Variants in MECOM observed in about 807,000 individuals in gnomAD.
The protein encoded by MECOM is histone-lysine N-methyltransferase MECOM.
MECOM carries 13 observed loss-of-function variants against 116.3 expected under a neutral mutation model. The observed-to-expected ratio is 0.11, with a 90% CI of 0.07 to 0.18. The LOEUF is 0.18. Ranked by LOEUF, MECOM falls within the 10% of genes least tolerant of loss-of-function variation. The pLI is 1.00. For synonymous variants in MECOM, 528 were observed against 535.2 expected, an observed-to-expected ratio of 0.99 and a Z score of 0.19; for missense variants, 1,299 against 1,509.0, an observed-to-expected ratio of 0.86 and a Z score of 2.31.
At chr3:169,325,338 C>G (rs1721660991) in intron 2 of MECOM, among the ~76,000 whole-genome samples, 1 of 152,160 alleles carries the variant, frequency 6.6e-6, no homozygotes, top group Non-Finnish European at 1.5e-5. Flanking sequence ...GTGTTTCTAT[C>G]TGTAAGAGGA....
At chr3:169,273,690 C>T (rs1759232020) in intron 2 of MECOM, among the ~76,000 whole-genome samples, 1 of 152,082 alleles carries the variant, frequency 6.6e-6, no homozygotes, top group African/African-American at 2.4e-5. Context: ...TTTACTGCGT[C>T]AACATTCTAC....
chr3:169,298,361 A>T (rs1046647280), intron 2 of MECOM, among the ~76,000 whole-genome samples: 1 of 151,980 alleles, frequency 6.6e-6, no homozygotes, highest in African/African-American at 2.4e-5. Context: ...TTATATATTA[A>T]ATGAGATATG....
At chr3:169,174,465 T>A (rs1481275649) in intron 2 of MECOM, among the ~76,000 whole-genome samples, 3 of 152,130 alleles carry the variant, frequency 2.0e-5, no homozygotes, top group African/African-American at 7.2e-5. Context: ...AAATTATAAT[T>A]GCAAAGAATG....
chr3:169,390,484 C>A (rs1011628217), intron 1 of MECOM, among the ~76,000 whole-genome samples: 1 of 152,072 alleles, frequency 6.6e-6, no homozygotes, highest in Admixed American at 6.6e-5. Flanking sequence ...TGGTTTACTA[C>A]CTCTAATTTG....
intron 2 of MECOM, among the ~76,000 whole-genome samples, chr3:169,361,496 C>T (rs1283843238): frequency 6.6e-6 from 1 of 151,830 alleles, no homozygotes; most frequent in Non-Finnish European, 1.5e-5. Context: ...TTATTAAAAT[C>T]AGTTTGCTTT....
intron 1 of MECOM, among the ~76,000 whole-genome samples, chr3:169,469,954 C>G (rs1748928622): frequency 6.6e-6 from 1 of 152,192 alleles, no homozygotes; most frequent in African/African-American, 2.4e-5. Context: ...CACACATTAA[C>G]TTTCCAGCAG....
intron 2 of MECOM, among the ~76,000 whole-genome samples, chr3:169,351,643 A>G (rs1726362553): frequency 6.6e-6 from 1 of 151,872 alleles, no homozygotes; most frequent in Non-Finnish European, 1.5e-5. Context: ...ATCCCTTATT[A>G]AAATATGTAA....
chr3:169,577,967 A>G (rs16854109), intron 1 of MECOM, among the ~76,000 whole-genome samples: 1 of 151,936 alleles, frequency 6.6e-6, no homozygotes, highest in Non-Finnish European at 1.5e-5. Flanking sequence ...TTGACCATGC[A>G]TTCCTTAGAC....
At chr3:169,552,451 A>G (rs1761523838) in intron 1 of MECOM, among the ~76,000 whole-genome samples, 1 of 152,170 alleles carries the variant, frequency 6.6e-6, no homozygotes, top group Admixed American at 6.5e-5. Flanking sequence ...CTTACTATAC[A>G]TTGGTCACTG....
intron 2 of MECOM, among the ~76,000 whole-genome samples, chr3:169,332,118 C>G (rs2149775428): frequency 6.6e-6 from 1 of 151,952 alleles, no homozygotes; most frequent in East Asian, 1.9e-4. Context: ...CAAAATACTG[C>G]AGAAGCTCAT....
chr3:169,096,918 A>G (rs1721667028), intron 12 of MECOM, among the ~76,000 whole-genome samples: 1 of 151,878 alleles, frequency 6.6e-6, no homozygotes, highest in East Asian at 1.9e-4. Context: ...TATTAATAAA[A>G]ATTGTGTGAA....
chr3:169,087,207 C>T (rs1356231699), intron 16 of MECOM, among the ~76,000 whole-genome samples: 1 of 152,112 alleles, frequency 6.6e-6, no homozygotes, highest in Non-Finnish European at 1.5e-5. Context: ...CTTTTGCTTT[C>T]TGTCACTTCT....
chr3:169,272,594 C>T (rs1402608778), intron 2 of MECOM, among the ~76,000 whole-genome samples: 1 of 151,994 alleles, frequency 6.6e-6, no homozygotes, highest in East Asian at 1.9e-4. Flanking sequence ...CTGACATGGT[C>T]CTGGTATACA....
At chr3:169,274,098 G>C (rs953983790) in intron 2 of MECOM, among the ~76,000 whole-genome samples, 3 of 152,068 alleles carry the variant, frequency 2.0e-5, no homozygotes, top group Admixed American at 1.3e-4. Flanking sequence ...TTTTAGTAGA[G>C]ACAGGGTTTC....
At chr3:169,491,003 C>A (rs1753025631) in intron 1 of MECOM, among the ~76,000 whole-genome samples, 2 of 151,868 alleles carry the variant, frequency 1.3e-5, no homozygotes, top group Non-Finnish European at 2.9e-5. Context: ...AGACTATAGG[C>A]ACATACCACT....
intron 2 of MECOM, among the ~76,000 whole-genome samples, chr3:169,241,155 T>A (rs938122963): frequency 6.6e-6 from 1 of 152,172 alleles, no homozygotes; most frequent in Non-Finnish European, 1.5e-5. Flanking sequence ...AAAGATCTAT[T>A]AAAAATCACT....
At chr3:169,373,352 C>A (rs543801002) in intron 2 of MECOM, among the ~76,000 whole-genome samples, 3 of 151,994 alleles carry the variant, frequency 2.0e-5, no homozygotes, top group African/African-American at 7.2e-5. Context: ...TATCTTATTT[C>A]TCTAACATAT....
intron 2 of MECOM, among the ~76,000 whole-genome samples, chr3:169,300,002 G>A (rs774872602): frequency 7.2e-5 from 11 of 152,048 alleles, no homozygotes; most frequent in Admixed American, 2.0e-4. Flanking sequence ...AGACAGCCAC[G>A]AGTCCCTCAT....
At chr3:169,439,124 T>C (rs1007327366) in intron 1 of MECOM, among the ~76,000 whole-genome samples, 2 of 147,558 alleles carry the variant, frequency 1.4e-5, no homozygotes, top group East Asian at 3.9e-4. Flanking sequence ...TTATTAATAT[T>C]ATTTAATATT....
Sources: gnomAD v4.1 joint callset for allele counts (sites outside exome capture counted in the v4.1 genomes callset) on GRCh38, gnomAD v4.1.1 for gene constraint, MANE v1.5 for transcripts, NCBI Gene and HGNC (gene_info 2026-07-23, HGNC 2026-07-21) for gene names.